ZFHX3: variants seen among roughly 807,000 people sequenced by gnomAD.
The protein encoded by ZFHX3 is zinc finger homeobox protein 3.
Under a neutral mutation model 279.1 loss-of-function variants are expected in ZFHX3, and 42 were observed. That is an observed-to-expected ratio of 0.15 (90% CI 0.12 to 0.19). ZFHX3 has a LOEUF of 0.19. Ranked by LOEUF, ZFHX3 falls within the 10% of genes least tolerant of loss-of-function variation. The pLI is 1.00. For missense variants in ZFHX3, 4,981 were observed against 4,754.0 expected, an observed-to-expected ratio of 1.05 and a Z score of -1.40; for synonymous variants, 2,293 against 1,957.8, an observed-to-expected ratio of 1.17 and a Z score of -4.52.
At chr16:73,588,598 G>A (rs990538816) in intron 2 of ZFHX3, among the ~76,000 whole-genome samples, 3 of 151,696 alleles carry the variant, frequency 2.0e-5, no homozygotes, top group Non-Finnish European at 4.4e-5. Context: ...GCTGAGGCAG[G>A]AGAATAGTGT....
chr16:73,736,458 G>A (rs2053611001), intron 1 of ZFHX3, among the ~76,000 whole-genome samples: 1 of 152,162 alleles, frequency 6.6e-6, no homozygotes, highest in African/African-American at 2.4e-5. Flanking sequence ...TCCTGAGTTT[G>A]ATTTTATAAG....
At chr16:73,166,371 G>C (rs1293520078) in intron 5 of ZFHX3, among the ~76,000 whole-genome samples, 1 of 152,206 alleles carries the variant, frequency 6.6e-6, no homozygotes, top group East Asian at 1.9e-4. Flanking sequence ...CAAGAAGGAA[G>C]CTGGGAACAG....
At chr16:73,644,265 T>C (rs1444247194) in intron 2 of ZFHX3, among the ~76,000 whole-genome samples, 1 of 152,134 alleles carries the variant, frequency 6.6e-6, no homozygotes, top group East Asian at 1.9e-4. Context: ...CAGGGCATAG[T>C]TCCCTGCACA....
intron 4 of ZFHX3, among the ~76,000 whole-genome samples, chr16:73,276,276 C>A (rs2014301296): frequency 6.6e-6 from 1 of 151,676 alleles, no homozygotes; most frequent in Admixed American, 6.6e-5. Flanking sequence ...CTCCACCTCC[C>A]GGGTTCAAGC....
chr16:73,479,369 C>T (rs1053223246), intron 2 of ZFHX3, among the ~76,000 whole-genome samples: 47 of 152,184 alleles, frequency 3.1e-4, no homozygotes, highest in African/African-American at 1.0e-3. Context: ...GCACCCCAAA[C>T]CCCTGCCATA....
chr16:73,756,454 G>A (rs1020072491), intron 1 of ZFHX3, among the ~76,000 whole-genome samples: 3 of 152,062 alleles, frequency 2.0e-5, no homozygotes, highest in African/African-American at 4.8e-5. Context: ...TCATTCACAC[G>A]ACATGAGCTT....
At chr16:73,260,761 C>G (rs147100935) in intron 4 of ZFHX3, among the ~76,000 whole-genome samples, 1 of 145,168 alleles carries the variant, frequency 6.9e-6, no homozygotes, top group East Asian at 2.2e-4. Context: ...TGGCTCACTG[C>G]AACCTCCGCC....
At chr16:72,996,038 C>T (rs763942932) in intron 1 of ZFHX3, among the ~76,000 whole-genome samples, 35 of 152,132 alleles carry the variant, frequency 2.3e-4, no homozygotes, top group East Asian at 9.7e-4. Flanking sequence ...GACACCAAGG[C>T]GGGTGGATCA....
chr16:73,199,375 C>A (rs1968221279), intron 5 of ZFHX3, among the ~76,000 whole-genome samples: 1 of 152,154 alleles, frequency 6.6e-6, no homozygotes, highest in Non-Finnish European at 1.5e-5. Flanking sequence ...ACGGTAGCAC[C>A]AAGTCCATGG....
chr16:73,768,541 T>G (rs1424318353), intron 1 of ZFHX3, among the ~76,000 whole-genome samples: 1 of 152,176 alleles, frequency 6.6e-6, no homozygotes, highest in African/African-American at 2.4e-5. Flanking sequence ...AAAAGAGAGG[T>G]GTTGAGTGTC....
intron 5 of ZFHX3, among the ~76,000 whole-genome samples, chr16:73,207,839 G>C (rs1185270219): frequency 6.6e-6 from 1 of 152,104 alleles, no homozygotes; most frequent in Non-Finnish European, 1.5e-5. Context: ...AAGTGAAATA[G>C]CCACTCTAAC....
rs2035958164 is a variant in ZFHX3, at chr16:72,797,581, T to C, written c.5101A>G (p.Ile1701Val). The C allele has an allele frequency of 4.3e-6, 7 of 1,614,038 alleles. No individual in the cohort carries two copies. Among genetic ancestry groups the C allele is most frequent in the Non-Finnish European group, 5.9e-6 (7 of 1,179,998 alleles). Residue 1701 changes from isoleucine to valine, a missense_variant, in exon 9 of 10, where the codon ATT becomes GTT. Around this residue, in one of 7 missense-constraint regions of ZFHX3, gnomAD observed 1,751 missense variants for 1,770.0 expected, o/e 0.99. Coordinates refer to ENST00000268489, the MANE Select transcript of ZFHX3 (RefSeq NM_006885.4). ...TCTTTGGGCTCTGAAGGGGAAGCAA[T>C]GTTGGCACCAATAGGATTCCCCAGG... ...PPLGNPIGAN[I>V]ASPSEPKEAN...
intron 7 of ZFHX3, among the ~76,000 whole-genome samples, chr16:73,112,689 C>T (rs1366841325): frequency 8.5e-6 from 1 of 117,706 alleles, no homozygotes; most frequent in Non-Finnish European, 1.6e-5. Flanking sequence ...GCACTCCAGC[C>T]TGGGCGACGG....
At chr16:73,283,752 T>C (rs1284734880) in intron 4 of ZFHX3, among the ~76,000 whole-genome samples, 4 of 152,206 alleles carry the variant, frequency 2.6e-5, no homozygotes, top group African/African-American at 9.7e-5. Context: ...ATTACCAGCC[T>C]GGGCAACATA....
intron 1 of ZFHX3, chr16:72,973,601 A>G (rs6499603): frequency 0.31 from 47,616 of 152,228 alleles, 7,673 homozygotes; most frequent in Admixed American, 0.37. Flanking sequence ...CCTATTGGCC[A>G]GGCATGGTGG....
At chr16:73,807,515 C>T (rs977819003) in intron 1 of ZFHX3, among the ~76,000 whole-genome samples, 4 of 151,994 alleles carry the variant, frequency 2.6e-5, no homozygotes, top group African/African-American at 9.7e-5. Flanking sequence ...GGTGCAGTAG[C>T]ACAATCATAG....
At chr16:73,419,896 T>G (rs549404376) in intron 3 of ZFHX3, among the ~76,000 whole-genome samples, 165 of 150,506 alleles carry the variant, frequency 1.1e-3, no homozygotes, top group Middle Eastern at 3.4e-3. Context: ...CATATATATA[T>G]ATAGATAGAT....
At chr16:73,763,834 T>G (rs1380174010) in intron 1 of ZFHX3, among the ~76,000 whole-genome samples, 1 of 151,066 alleles carries the variant, frequency 6.6e-6, no homozygotes, top group East Asian at 1.9e-4. Flanking sequence ...GCAAAGATTC[T>G]CCCTCTCCCT....
intron 2 of ZFHX3, among the ~76,000 whole-genome samples, chr16:73,558,076 ACAG>A (rs1419146119): frequency 6.6e-6 from 1 of 152,220 alleles, no homozygotes; most frequent in Non-Finnish European, 1.5e-5. Flanking sequence ...GGAAGAGAGA[ACAG>A]CAGTTTATGA....
Sources: allele counts gnomAD v4.1 joint callset (sites outside exome capture counted in the v4.1 genomes callset), GRCh38; gene constraint gnomAD v4.1.1; regional missense constraint gnomAD v4.1.1; transcripts MANE v1.5; gene names NCBI Gene and HGNC (gene_info 2026-07-23, HGNC 2026-07-21).